DENND2C: variants seen among roughly 807,000 people sequenced by gnomAD.
DENND2C encodes DENN domain-containing protein 2C.
Under a neutral mutation model 112.4 loss-of-function variants are expected in DENND2C, and 72 were observed. That is an observed-to-expected ratio of 0.64 (90% CI 0.53 to 0.78). The LOEUF is 0.78. DENND2C is among the 30% of genes least tolerant of loss of function. The pLI, the probability that DENND2C is intolerant of heterozygous loss-of-function variation, is 0.00. For synonymous variants in DENND2C, 329 were observed against 381.6 expected (o/e 0.86, Z 1.61); for missense variants, 992 against 1,113.8 (o/e 0.89, Z 1.56).
chr1:114,647,977 T>C (rs1657044441), intron 2 of DENND2C, among the ~76,000 whole-genome samples: 1 of 151,976 alleles, frequency 6.6e-6, no homozygotes. Flanking sequence ...GCAGCTAATT[T>C]TTGTATTTTT....
chr1:114,593,542 T>C (rs559164433), intron 18 of DENND2C, among the ~76,000 whole-genome samples: 9 of 152,260 alleles, frequency 5.9e-5, no homozygotes, highest in African/African-American at 2.2e-4. Flanking sequence ...TCCAGTGCTT[T>C]GTGAGGCTAA....
intron 1 of DENND2C, among the ~76,000 whole-genome samples, chr1:114,666,216 C>T (rs1657644570): frequency 6.6e-6 from 1 of 152,136 alleles, no homozygotes; most frequent in Admixed American, 6.5e-5. Flanking sequence ...TACTCCAGGC[C>T]CCTATCCTCC....
intron 2 of DENND2C, among the ~76,000 whole-genome samples, chr1:114,653,411 C>T (rs1657223334): frequency 6.6e-6 from 1 of 151,968 alleles, no homozygotes; most frequent in African/African-American, 2.4e-5. Flanking sequence ...GCCCAGCCTC[C>T]TATTAGTACT....
At chr1:114,608,206 T>C (rs1350855843) in intron 10 of DENND2C, among the ~76,000 whole-genome samples, 1 of 151,762 alleles carries the variant, frequency 6.6e-6, no homozygotes, top group Admixed American at 6.6e-5. Flanking sequence ...GTTGCAGGGG[T>C]TGCAGTGAGC....
chr1:114,610,517 T>C (rs966909663), intron 9 of DENND2C, among the ~76,000 whole-genome samples: 10 of 152,166 alleles, frequency 6.6e-5, no homozygotes, highest in African/African-American at 2.4e-4. Flanking sequence ...TTGACCAATA[T>C]GGTGAAACCC....
chr1:114,608,908 T>G, intron 9 of DENND2C, 35 bp from the exon 10 acceptor site: 1 of 1,610,960 alleles, frequency 6.2e-7, no homozygotes. Flanking sequence ...TTTTTTTCTC[T>G]GTAGCCCTAC....
At chr1:114,661,423 T>G (rs1421297442) in intron 1 of DENND2C, among the ~76,000 whole-genome samples, 1 of 152,190 alleles carries the variant, frequency 6.6e-6, no homozygotes, top group Non-Finnish European at 1.5e-5. Context: ...GATACACAAC[T>G]AAATGAGACA....
intron 8 of DENND2C, among the ~76,000 whole-genome samples, 195 bp downstream of exon 8, chr1:114,618,191 T>G (rs1265521447): frequency 6.6e-6 from 1 of 152,050 alleles, no homozygotes; most frequent in African/African-American, 2.4e-5. Context: ...GGTTTCACCG[T>G]TTTAGCCAGG....
chr1:114,594,401 A>G, intron 18 of DENND2C, 72 bp downstream of exon 18: 2 of 1,247,582 alleles, frequency 1.6e-6, no homozygotes, highest in Non-Finnish European at 2.3e-6. Flanking sequence ...CCTTTAACAT[A>G]GTGCTGGGCA....
intron 18 of DENND2C, among the ~76,000 whole-genome samples, chr1:114,590,778 CA>C (rs33970610): frequency 0.033 from 3,725 of 112,892 alleles, 127 homozygotes; most frequent in African/African-American, 0.1. Flanking sequence ...GACTCCGTCT[CA>C]AAAAAAAAAA....
chr1:114,594,766 T>TA (rs577627692), intron 17 of DENND2C, among the ~76,000 whole-genome samples, 188 bp from the exon 18 acceptor site: 52 of 152,270 alleles, frequency 3.4e-4, no homozygotes, highest in African/African-American at 1.2e-3. Context: ...TTAACTATAT[T>TA]AAAAAAATAT....
intron 9 of DENND2C, among the ~76,000 whole-genome samples, chr1:114,609,448 T>G (rs1655753901): frequency 6.6e-6 from 1 of 152,226 alleles, no homozygotes; most frequent in Admixed American, 6.5e-5. Flanking sequence ...CAGTAAATGG[T>G]GCTACACACA....
At chr1:114,639,614 T>A (rs1656763153) in intron 3 of DENND2C, among the ~76,000 whole-genome samples, 1 of 151,850 alleles carries the variant, frequency 6.6e-6, no homozygotes, top group Non-Finnish European at 1.5e-5. Flanking sequence ...TTTATTTCAG[T>A]TATTATATTT....
intron 10 of DENND2C, among the ~76,000 whole-genome samples, chr1:114,608,350 A>C (rs1167830547): frequency 6.6e-6 from 1 of 152,208 alleles, no homozygotes. Flanking sequence ...TTTCACACAG[A>C]GTCCATGCTC....
rs776761733 is a variant in DENND2C, at chr1:114,656,401, C to CTTT, written c.-573-1643_-573-1641dup. Among the ~76,000 whole-genome samples the CTTT allele has an allele frequency of 6.7e-4, 93 of 138,554 alleles. 2 individuals carry two copies. The highest frequency in any genetic ancestry group is 5.0e-3 in the East Asian group (23 of 4,630). 90.9% of individuals were successfully genotyped at this position (138,554 alleles called of 152,430 possible). On this transcript the variant is annotated intron_variant, in intron 1 of 20. Transcript: ENST00000393274. Reference sequence around the variant, plus strand: ...TTATAAACATTCTTTTTCTTTCTTTCTTTTTTTTTTTTTTGAGACAGAGTC... The same window carrying CTTT: ...TTATAAACATTCTTTTTCTTTCTTTCTTTTTTTTTTTTTTTTTGAGACAGAGTC...
chr1:114,652,425 G>C (rs1657191263), intron 2 of DENND2C, among the ~76,000 whole-genome samples: 1 of 151,972 alleles, frequency 6.6e-6, no homozygotes, highest in Non-Finnish European at 1.5e-5. Context: ...TCTCAAATGG[G>C]GGGTGGGCAG....
chr1:114,595,734 G>A, intron 17 of DENND2C, 98 bp downstream of exon 17: 1 of 1,135,374 alleles, frequency 8.8e-7, no homozygotes, highest in Non-Finnish European at 1.3e-6. Flanking sequence ...AGTTTTGCCT[G>A]AGTCATATTC....
At chr1:114,666,985 T>C (rs1411318029) in intron 1 of DENND2C, among the ~76,000 whole-genome samples, 1 of 152,178 alleles carries the variant, frequency 6.6e-6, no homozygotes, top group Non-Finnish European at 1.5e-5. Context: ...TTTTTCATCT[T>C]ATTTCCAGGC....
rs1282564350 is a variant in DENND2C at position 114,587,898 on chromosome 1, A to T, written c.2486T>A (p.Leu829Ter). The T allele has an allele frequency of 4.3e-6, 7 of 1,614,184 alleles. No individual in the cohort carries two copies. Among genetic ancestry groups the T allele is most frequent in the Non-Finnish European group, 5.9e-6 (7 of 1,180,038 alleles). The part of the protein sequence containing the change: ...SEAFVRFFVE[L>*]VGHYSLNMTV... ...CATGTTCAAAGAATAATGTCCTACC[A>T]ACTCCACAAAAAACCTGACAAATGC... The change falls in exon 19 of 21, where the codon TTG becomes TAG. Residue 829 changes from leucine (L) to a stop codon, truncating the protein, a stop_gained. Transcript: ENST00000393274. LOFTEE classifies it high-confidence loss of function.
Sources: allele counts gnomAD v4.1 joint callset (sites outside exome capture counted in the v4.1 genomes callset), GRCh38; gene constraint gnomAD v4.1.1; transcripts MANE v1.5; gene names NCBI Gene and HGNC (gene_info 2026-07-23, HGNC 2026-07-21).